The following AOPEP variants were observed in gnomAD, a reference collection of about 807,000 sequenced individuals.
AOPEP encodes the protein aminopeptidase O (putative).
A neutral mutation model predicts 98.1 loss-of-function variants in AOPEP; 77 were observed. That is an observed-to-expected ratio of 0.78 (90% CI 0.65 to 0.95). The LOEUF (loss-of-function observed/expected upper bound fraction) is 0.95. AOPEP is among the 40% of genes least tolerant of loss of function. The pLI is 0.00. For missense variants in AOPEP, 1,024 were observed against 1,024.7 expected, an observed-to-expected ratio of 1.00 and a Z score of 0.01; for synonymous variants, 346 against 365.3, an observed-to-expected ratio of 0.95 and a Z score of 0.60.
chr9:94,999,661 G>T (rs911925000), intron 11 of AOPEP, among the ~76,000 whole-genome samples: 6 of 152,140 alleles, frequency 3.9e-5, no homozygotes, highest in Non-Finnish European at 8.8e-5. Context: ...TTCACAGAGT[G>T]CCCATAAGAC....
intron 6 of AOPEP, among the ~76,000 whole-genome samples, chr9:94,924,836 T>C (rs761153452): frequency 3.9e-5 from 6 of 152,220 alleles, no homozygotes; most frequent in Non-Finnish European, 8.8e-5. Context: ...AGTTTACTAA[T>C]TTAAAAAATA....
chr9:94,954,019 T>C (rs2058287616), intron 7 of AOPEP, among the ~76,000 whole-genome samples: 1 of 152,080 alleles, frequency 6.6e-6, no homozygotes, highest in African/African-American at 2.4e-5. Context: ...CTAATGTCAC[T>C]ACAAATCAAA....
chr9:94,949,905 A>C (rs1484270374), intron 7 of AOPEP, among the ~76,000 whole-genome samples: 1 of 152,210 alleles, frequency 6.6e-6, no homozygotes, highest in Non-Finnish European at 1.5e-5. Flanking sequence ...GACCTAGCTT[A>C]GTAGGACTTT....
chr9:94,808,542 A>G (rs142712660), intron 5 of AOPEP, among the ~76,000 whole-genome samples: 4 of 152,302 alleles, frequency 2.6e-5, no homozygotes, highest in African/African-American at 9.6e-5. Flanking sequence ...TGGTTAACTA[A>G]CCATGCTATT....
the AOPEP span, among the ~76,000 whole-genome samples, chr9:95,133,323 C>T: frequency 6.6e-6 from 1 of 152,256 alleles, no homozygotes; most frequent in Non-Finnish European, 1.5e-5. Flanking sequence ...AGAGAGGTCA[C>T]ATCCTGCCAA....
chr9:94,896,669 G>C, intron 5 of AOPEP, among the ~76,000 whole-genome samples: 1 of 152,068 alleles, frequency 6.6e-6, no homozygotes, highest in Admixed American at 6.5e-5. Flanking sequence ...TAAATTGAAG[G>C]ACATTCTGTA....
At chr9:95,130,517 C>G in the AOPEP span, among the ~76,000 whole-genome samples, 1 of 152,174 alleles carries the variant, frequency 6.6e-6, no homozygotes, top group African/African-American at 2.4e-5. Context: ...AAGGAAATAG[C>G]AGATGACAGA....
At chr9:94,984,035 ATT>A (rs11334862) in intron 11 of AOPEP, among the ~76,000 whole-genome samples, 22 of 142,668 alleles carry the variant, frequency 1.5e-4, no homozygotes, top group Admixed American at 5.6e-4. Context: ...TGAGGAGCTA[ATT>A]TTTTTTTTTT....
intron 11 of AOPEP, among the ~76,000 whole-genome samples, chr9:94,981,529 G>T (rs542436066): frequency 2.0e-5 from 3 of 152,116 alleles, no homozygotes; most frequent in Non-Finnish European, 4.4e-5. Context: ...GTGTCTTTGC[G>T]TCTCTTCTAC....
the AOPEP span, chr9:95,099,209 C>T: frequency 4.6e-6 from 1 of 217,678 alleles, no homozygotes; most frequent in African/African-American, 2.3e-5. Flanking sequence ...TTGGCTCTCT[C>T]TGAGGGTAGT....
At chr9:94,852,857 A>G (rs1297530348) in intron 5 of AOPEP, among the ~76,000 whole-genome samples, 1 of 152,218 alleles carries the variant, frequency 6.6e-6, no homozygotes, top group African/African-American at 2.4e-5. Context: ...AGCTGAGTGC[A>G]GTTCACCTCA....
the AOPEP span, among the ~76,000 whole-genome samples, chr9:95,122,209 C>T: frequency 3.3e-4 from 50 of 152,092 alleles, no homozygotes; most frequent in Non-Finnish European, 6.5e-4. Flanking sequence ...GGGAGGAGCA[C>T]GTGGATAGAC....
At chr9:95,027,441 T>C (rs527500186) in intron 13 of AOPEP, among the ~76,000 whole-genome samples, 1 of 152,336 alleles carries the variant, frequency 6.6e-6, no homozygotes, top group African/African-American at 2.4e-5. Context: ...TTGATGTGTG[T>C]ATGTGATATT....
intron 5 of AOPEP, among the ~76,000 whole-genome samples, chr9:94,842,477 C>A (rs1315142293): frequency 6.6e-6 from 1 of 152,186 alleles, no homozygotes; most frequent in East Asian, 1.9e-4. Context: ...TCTCCTTCCC[C>A]TTTCCCTCTA....
the AOPEP span, chr9:95,114,098 A>G: frequency 2.7e-5 from 5 of 188,438 alleles, no homozygotes; most frequent in South Asian, 3.3e-4. Flanking sequence ...AAAAATTTAA[A>G]ACAAACCAAC....
intron 5 of AOPEP, among the ~76,000 whole-genome samples, chr9:94,886,533 A>G (rs1459047820): frequency 6.6e-6 from 1 of 152,214 alleles, no homozygotes; most frequent in East Asian, 1.9e-4. Context: ...ATGGCTCACT[A>G]TGAATTTTTT....
the AOPEP span, among the ~76,000 whole-genome samples, chr9:95,137,253 C>G: frequency 2.6e-5 from 4 of 152,124 alleles, no homozygotes; most frequent in African/African-American, 9.7e-5. Flanking sequence ...AGAGGTTTCA[C>G]TTTTTCTGCT....
At chr9:94,773,300 A>T in intron 3 of AOPEP, 132 bp downstream of exon 3, 1 of 779,528 alleles carries the variant, frequency 1.3e-6, no homozygotes, top group Non-Finnish European at 2.0e-6. Context: ...AGTATAAAAC[A>T]TCCTGCCAGG....
chr9:95,082,672 T>G lies in AOPEP; in HGVS notation c.2417T>G (p.Met806Arg). 1 of 1,614,226 alleles carries G rather than the reference T, an allele frequency of 6.2e-7. No homozygotes were observed. The highest frequency in any genetic ancestry group is 8.5e-7 in the Non-Finnish European group (1 of 1,180,048). Reference sequence around the variant, plus strand: ...TGCTTCGAGCGGACCAAGGAGCAGATGGATAGGTCCTCAGCCCAGGTGGTG... The same window carrying G: ...TGCTTCGAGCGGACCAAGGAGCAGAGGGATAGGTCCTCAGCCCAGGTGGTG... ...RRCFERTKEQ[M>R]DRSSAQVVAE... The change falls in exon 16 of 17, where the codon ATG becomes AGG. Residue 806 changes from methionine to arginine, a missense_variant. Met to Arg is a moderately conservative substitution (Grantham distance 91, BLOSUM62 -1). This residue lies in a region of AOPEP where 566 missense variants were observed against 551.7 expected (regional missense o/e 1.03). Coordinates refer to ENST00000375315, the MANE Select transcript of AOPEP (RefSeq NM_001193329.3).
Sources: gnomAD v4.1 joint callset for allele counts (sites outside exome capture counted in the v4.1 genomes callset) on GRCh38, gnomAD v4.1.1 for gene constraint, gnomAD v4.1.1 regional missense constraint, MANE v1.5 for transcripts, NCBI Gene and HGNC (gene_info 2026-07-23, HGNC 2026-07-21) for gene names.